The following FGGY variants were observed in gnomAD, a reference collection of about 807,000 sequenced individuals.
FGGY encodes FGGY carbohydrate kinase domain containing.
FGGY carries 72 observed loss-of-function variants against 71.3 expected under a neutral mutation model. The ratio of observed to expected loss-of-function variants is 1.01; its 90% CI spans 0.84 to 1.23. FGGY has a LOEUF of 1.23. FGGY is among the 50% of genes most tolerant of loss of function. The pLI is 0.00. For missense variants in FGGY, 668 were observed against 682.3 expected (o/e 0.98, Z 0.23); for synonymous variants, 251 against 250.3 (o/e 1.00, Z -0.02).
At chr1:59,499,478 ATTGT>A (rs1013927311) in intron 6 of FGGY, among the ~76,000 whole-genome samples, 14 of 152,024 alleles carry the variant, frequency 9.2e-5, no homozygotes, top group African/African-American at 3.1e-4. Flanking sequence ...AAACTTATGA[ATTGT>A]TTATTTCTGG....
At chr1:59,505,990 G>C (rs949734737) in intron 6 of FGGY, among the ~76,000 whole-genome samples, 1 of 152,074 alleles carries the variant, frequency 6.6e-6, no homozygotes, top group African/African-American at 2.4e-5. Context: ...GAATTCAGCA[G>C]ACTTGAGCCT....
In FGGY at chr1:59,494,610, T is replaced by C. The variant is rs145133879; in HGVS notation, c.671-17701T>C. 6.4e-3 allele frequency among the ~76,000 whole-genome samples: 975 copies of C among 152,294 alleles called. 31 individuals carry two copies. The highest frequency in any genetic ancestry group is 0.059 in the Admixed American group (900 of 15,270). On this transcript the variant is annotated intron_variant, in intron 6 of 15. Coordinates refer to ENST00000303721, the MANE Select transcript of FGGY (RefSeq NM_018291.5). ...CAAAGGGAAATGATGATTTTACTTTTTAACATTCTGTTGGCTTTCACTTTG... is the reference window on the plus strand; with the variant it reads ...CAAAGGGAAATGATGATTTTACTTTCTAACATTCTGTTGGCTTTCACTTTG...
At chr1:59,465,736 G>T (rs1376446280) in intron 6 of FGGY, among the ~76,000 whole-genome samples, 2 of 152,144 alleles carry the variant, frequency 1.3e-5, no homozygotes, top group Non-Finnish European at 2.9e-5. Context: ...GCCAAATCAT[G>T]TATGAATTCC....
intron 5 of FGGY, among the ~76,000 whole-genome samples, chr1:59,384,227 C>T (rs2059820654): frequency 6.6e-6 from 1 of 152,050 alleles, no homozygotes; most frequent in Non-Finnish European, 1.5e-5. Flanking sequence ...TCCCGTTCCC[C>T]CACCCACCCC....
At chr1:59,359,780 A>G (rs1006238807) in intron 4 of FGGY, among the ~76,000 whole-genome samples, 1 of 152,090 alleles carries the variant, frequency 6.6e-6, no homozygotes, top group African/African-American at 2.4e-5. Flanking sequence ...CAATACCCAT[A>G]CCTGCACCCT....
intron 5 of FGGY, among the ~76,000 whole-genome samples, chr1:59,432,888 G>A (rs1241788546): frequency 2.6e-5 from 4 of 152,184 alleles, no homozygotes; most frequent in African/African-American, 7.2e-5. Flanking sequence ...CAAAGCTATC[G>A]TTCTGACTGG....
At chr1:59,470,483 G>A (rs61790001) in intron 6 of FGGY, among the ~76,000 whole-genome samples, 12,476 of 152,028 alleles carry the variant, frequency 0.082, 626 homozygotes, top group South Asian at 0.19. Context: ...CATTTAACAC[G>A]GCCTCATGGA....
chr1:59,611,678 G>C (rs1411399534), intron 9 of FGGY, among the ~76,000 whole-genome samples: 1 of 152,206 alleles, frequency 6.6e-6, no homozygotes, highest in Admixed American at 6.5e-5. Context: ...AGAGAAGAAG[G>C]CTTCAGACGA....
At chr1:59,466,196 C>T (rs528033411) in intron 6 of FGGY, among the ~76,000 whole-genome samples, 1,700 of 152,146 alleles carry the variant, frequency 0.011, 18 homozygotes, top group Non-Finnish European at 0.018. Flanking sequence ...TCAGAAATAA[C>T]ACCACACATC....
At chr1:59,642,091 G>A (rs981736299) in intron 11 of FGGY, among the ~76,000 whole-genome samples, 6 of 152,122 alleles carry the variant, frequency 3.9e-5, no homozygotes, top group African/African-American at 9.7e-5. Context: ...TTAGGAGGAA[G>A]GGTGATGGCT....
intron 5 of FGGY, among the ~76,000 whole-genome samples, chr1:59,379,040 A>G (rs1467286902): frequency 6.6e-6 from 1 of 152,160 alleles, no homozygotes; most frequent in African/African-American, 2.4e-5. Flanking sequence ...CTGGAATGTG[A>G]GTATCCAAGG....
At chr1:59,378,615 C>G in intron 4 of FGGY, 134 bp from the exon 5 acceptor site, 2 of 654,224 alleles carry the variant, frequency 3.1e-6, no homozygotes, top group South Asian at 4.0e-5. Context: ...TTCCTACCCC[C>G]ACCAAGCTCC....
intron 10 of FGGY, among the ~76,000 whole-genome samples, chr1:59,627,743 T>C (rs1408430239): frequency 6.6e-6 from 1 of 152,004 alleles, no homozygotes; most frequent in Non-Finnish European, 1.5e-5. Context: ...AGTAAAATTA[T>C]GGTGCCAGAA....
chr1:59,443,481 C>T (rs1299207306), intron 5 of FGGY, among the ~76,000 whole-genome samples: 2 of 152,070 alleles, frequency 1.3e-5, no homozygotes, highest in Non-Finnish European at 2.9e-5. Context: ...AATAGCTTTG[C>T]TATTTTTCAC....
chr1:59,645,989 A>G (rs2097090596), intron 11 of FGGY, among the ~76,000 whole-genome samples: 3 of 152,246 alleles, frequency 2.0e-5, no homozygotes, highest in Non-Finnish European at 4.4e-5. Flanking sequence ...GATAGTGTGT[A>G]TGTGGGAGAC....
chr1:59,759,037 A>T lies in FGGY; in HGVS notation c.1574+1045A>T, dbSNP rs140984434. 3.2e-3 allele frequency among the ~76,000 whole-genome samples: 486 copies of T among 152,270 alleles called. 2 individuals carry two copies. Among genetic ancestry groups the T allele is most frequent in the African/African-American group, 0.011 (468 of 41,558 alleles). On this transcript the variant is annotated intron_variant, in intron 15 of 15. Transcript: ENST00000303721. ...GCTTTTTCAAGAATCCAGGCTAGAG[A>T]TGTAAAAGACCTCTATTAATTTGCT...
At chr1:59,719,130 C>T (rs529550750) in intron 14 of FGGY, among the ~76,000 whole-genome samples, 9 of 152,312 alleles carry the variant, frequency 5.9e-5, no homozygotes, top group Non-Finnish European at 1.2e-4. Flanking sequence ...CTGTCCCTGG[C>T]AGCTTTACTG....
chr1:59,538,383 T>C (rs1222811286), intron 7 of FGGY, among the ~76,000 whole-genome samples: 1 of 151,922 alleles, frequency 6.6e-6, no homozygotes, highest in Non-Finnish European at 1.5e-5. Context: ...GGAACACTTT[T>C]ACACTGTTGG....
chr1:59,424,783 C>T (rs1224626931), intron 5 of FGGY, among the ~76,000 whole-genome samples: 1 of 152,076 alleles, frequency 6.6e-6, no homozygotes, highest in Non-Finnish European at 1.5e-5. Context: ...ATGGTAGGCA[C>T]CATTCAGTGC....
Sources: allele counts gnomAD v4.1 joint callset (sites outside exome capture counted in the v4.1 genomes callset), GRCh38; gene constraint gnomAD v4.1.1; transcripts MANE v1.5; gene names NCBI Gene and HGNC (gene_info 2026-07-23, HGNC 2026-07-21).